Variants in DHX34 observed in about 807,000 individuals in gnomAD.
DHX34 encodes the protein probable ATP-dependent RNA helicase DHX34.
DHX34 carries 96 observed loss-of-function variants against 111.1 expected under a neutral mutation model. The ratio of observed to expected loss-of-function variants is 0.86; its 90% CI spans 0.73 to 1.02. The LOEUF (loss-of-function observed/expected upper bound fraction) is 1.02, where lower values mean the gene tolerates loss of function less well. DHX34 is among the 50% of genes least tolerant of loss of function. DHX34 has a pLI of 0.00. For missense variants in DHX34, 1,560 were observed against 1,579.9 expected (o/e 0.99, Z 0.21); for synonymous variants, 688 against 670.4 (o/e 1.03, Z -0.41).
In DHX34 at chr19:47,357,888, C is replaced by T. The variant is rs113135692; in HGVS notation, c.1040C>T (p.Ala347Val). Reference protein sequence around the residue: ...PITVVYQPQEAEPTTSKSEKL... With the variant: ...PITVVYQPQEVEPTTSKSEKL... The stretch of plus-strand genomic sequence containing the variant: ...CAGGTTGTGTACCAGCCGCAGGAGG[C>T]GGAGCCGACCACGTCCAAGTCAGAG... The change falls in exon 4 of 17, where the codon GCG (alanine) becomes GTG (valine). Residue 347 changes from alanine (A) to valine (V), a missense_variant. Ala to Val is a moderately conservative substitution (Grantham distance 64). Coordinates refer to ENST00000328771, the MANE Select transcript of DHX34 (RefSeq NM_014681.6). 2.0e-4 allele frequency: 320 copies of T among 1,613,560 alleles called. No individual in the cohort carries two copies. The African/African-American group carries it at 3.7e-3, about 18-fold the overall frequency.
chr19:47,369,455 AT>A (rs1386206391), intron 7 of DHX34, among the ~76,000 whole-genome samples: 1 of 152,172 alleles, frequency 6.6e-6, no homozygotes, highest in Non-Finnish European at 1.5e-5. Context: ...TCATTAAATA[AT>A]TTTTGAGCAC....
chr19:47,360,602 C>T (rs1430657078), intron 5 of DHX34, among the ~76,000 whole-genome samples: 2 of 152,164 alleles, frequency 1.3e-5, no homozygotes, highest in African/African-American at 2.4e-5. Context: ...ATACTGTCCA[C>T]TCTGTCTAAG....
intron 1 of DHX34, among the ~76,000 whole-genome samples, chr19:47,350,562 C>T (rs1168538142): frequency 6.6e-6 from 1 of 151,716 alleles, no homozygotes; most frequent in Non-Finnish European, 1.5e-5. Context: ...GCTGGGATTA[C>T]AGGCAGGTGC....
At chr19:47,374,279 A>G (rs1223973871) in intron 9 of DHX34, among the ~76,000 whole-genome samples, 1 of 152,042 alleles carries the variant, frequency 6.6e-6, no homozygotes, top group Non-Finnish European at 1.5e-5. Context: ...TCTTCTAAAA[A>G]TACAAAAATT....
Position 47,352,854 on chromosome 19 carries a change from G to A in DHX34, c.-177G>A, listed in dbSNP as rs553076824. On this transcript the variant is annotated 5_prime_UTR_variant, in exon 2 of 17. Transcript: ENST00000328771. ...GTGTCACCAGCTCAAGCAGGCCTCTGGCCACTTTATCATCTGTGGTGGTCC... is the reference window on the plus strand; with the variant it reads ...GTGTCACCAGCTCAAGCAGGCCTCTAGCCACTTTATCATCTGTGGTGGTCC... The A allele has an allele frequency of 3.7e-6, 5 of 1,353,114 alleles. No homozygotes were observed. In the African/African-American group the frequency reaches 5.9e-5, roughly 16 times the overall value. 83.8% of individuals were successfully genotyped at this position (1,353,114 alleles called of 1,614,324 possible).
At chr19:47,359,893 G>T in intron 4 of DHX34, 75 bp from the exon 5 acceptor site, 2 of 1,606,282 alleles carry the variant, frequency 1.2e-6, no homozygotes. Flanking sequence ...TGACACGGGG[G>T]TGGGCAAGAA....
Position 47,372,778 on chromosome 19 carries a change from T to C in DHX34, c.1817T>C (p.Leu606Pro). The change falls in exon 8 of 17, where the codon CTC (leucine) becomes CCC (proline). Residue 606 changes from leucine to proline, a missense_variant. Leu to Pro is a moderately conservative substitution (Grantham distance 98). Transcript: ENST00000328771. ...ATGTTCAGCCTGGTGGAGCCTGTGC[T>C]CACCATCGCAGCCGCACTTAGCGTC... ...GSMFSLVEPV[L>P]TIAAALSVQS... The C allele has an allele frequency of 6.2e-7, 1 of 1,612,958 alleles. No individual in the cohort carries two copies. The highest frequency in any genetic ancestry group is 8.5e-7 in the Non-Finnish European group (1 of 1,179,764).
At chr19:47,373,248 G>C (rs1425850826) in intron 8 of DHX34, among the ~76,000 whole-genome samples, 1 of 152,210 alleles carries the variant, frequency 6.6e-6, no homozygotes, top group African/African-American at 2.4e-5. Context: ...CCCTAACCCT[G>C]GCCCTGTAGT....
Position 47,381,287 on chromosome 19 carries a change from G to A in DHX34, c.3261G>A (p.Glu1087=), listed in dbSNP as rs764517338. Residue 1087 remains glutamate (E), a synonymous_variant, in exon 16 of 17, where the codon GAG becomes GAA. Transcript: ENST00000328771. ...PLTPLERIAH[E]NTCPQAPQDG... ...CGCCCCTGGAGCGCATCGCCCATGAGAACACCTGCCCCCAGGCCCCACAGG... is the reference window on the plus strand; with the variant it reads ...CGCCCCTGGAGCGCATCGCCCATGAAAACACCTGCCCCCAGGCCCCACAGG... The A allele has an allele frequency of 1.2e-6, 2 of 1,613,970 alleles. No individual in the cohort carries two copies. Among genetic ancestry groups the A allele is most frequent in the Non-Finnish European group, 1.7e-6 (2 of 1,179,952 alleles).
intron 13 of DHX34, 140 bp from the exon 14 acceptor site, chr19:47,379,570 C>T: frequency 1.4e-6 from 2 of 1,472,356 alleles, no homozygotes; most frequent in South Asian, 1.4e-5. Context: ...GTGCCTGGTA[C>T]AGCGGGTAGA....
chr19:47,366,894 G>A (rs1402690528), intron 6 of DHX34, 87 bp from the exon 7 acceptor site: 9 of 1,415,902 alleles, frequency 6.4e-6, no homozygotes, highest in South Asian at 3.3e-5. Context: ...ATTTTAAAAC[G>A]TCATGAATTT....
chr19:47,360,219 A>G (rs1459626931), intron 5 of DHX34, 149 bp downstream of exon 5: 5 of 674,664 alleles, frequency 7.4e-6, no homozygotes, highest in African/African-American at 5.5e-5. Context: ...TGCAACCAGA[A>G]GTGTTTGGAA....
chr19:47,366,086 C>T (rs1969777972), intron 6 of DHX34, among the ~76,000 whole-genome samples: 1 of 152,026 alleles, frequency 6.6e-6, no homozygotes, highest in Non-Finnish European at 1.5e-5. Flanking sequence ...CCATCCTGGC[C>T]ACAACCAGAG....
chr19:47,359,746 C>T, intron 4 of DHX34: 6 of 646,484 alleles, frequency 9.3e-6, no homozygotes, highest in Non-Finnish European at 1.2e-5. Flanking sequence ...CACGCCACTG[C>T]ACTCCAGCCT....
intron 5 of DHX34, among the ~76,000 whole-genome samples, chr19:47,361,082 C>T (rs749054529): frequency 7.9e-5 from 12 of 152,168 alleles, no homozygotes; most frequent in Non-Finnish European, 1.3e-4. Context: ...GCCTGCCTGG[C>T]CAGGTTTAGT....
intron 4 of DHX34, among the ~76,000 whole-genome samples, chr19:47,358,510 G>A (rs1007777174): frequency 1.3e-5 from 2 of 151,724 alleles, no homozygotes; most frequent in Non-Finnish European, 2.9e-5. Flanking sequence ...CTGGAGTGCA[G>A]TGGCACGATC....
chr19:47,381,823 A>AT (rs1346593492), intron 16 of DHX34, 157 bp from the exon 17 acceptor site: 1 of 976,668 alleles, frequency 1.0e-6, no homozygotes, highest in Non-Finnish European at 1.2e-6. Flanking sequence ...AGACCTGTGT[A>AT]TTTTTATTAA....
Position 47,375,517 on chromosome 19 carries a change from G to A in DHX34, c.2116G>A (p.Gly706Arg), listed in dbSNP as rs1293993133. ...LLAGAQAAQVGDSYSRLQQRR... is the reference protein window; with the variant it reads ...LLAGAQAAQVRDSYSRLQQRR... The stretch of plus-strand genomic sequence containing the variant: ...GGCTGGGGCCCAGGCCGCGCAGGTA[G>A]GGGACAGCTACAGTCGGTTGCAGCA... Residue 706 changes from glycine (G) to arginine (R), a missense_variant, in exon 10 of 17, where the codon GGG becomes AGG. Transcript: ENST00000328771. The A allele has an allele frequency of 6.4e-7, 1 of 1,570,274 alleles. No individual in the cohort carries two copies.
At chr19:47,375,256 C>T (rs1970098521) in intron 9 of DHX34, 2 of 984,172 alleles carry the variant, frequency 2.0e-6, no homozygotes, top group Non-Finnish European at 2.4e-6. Context: ...CACCTGCCTC[C>T]TCTTGCCCCT....
Sources: allele counts gnomAD v4.1 joint callset (sites outside exome capture counted in the v4.1 genomes callset), GRCh38; gene constraint gnomAD v4.1.1; transcripts MANE v1.5; gene names NCBI Gene and HGNC (gene_info 2026-07-23, HGNC 2026-07-21).